GPATCH2: variants seen among roughly 807,000 people sequenced by gnomAD.
GPATCH2 encodes G patch domain-containing protein 2.
GPATCH2 carries 51 observed loss-of-function variants against 58.0 expected under a neutral mutation model. The ratio of observed to expected loss-of-function variants is 0.88; its 90% CI spans 0.70 to 1.11. The LOEUF is 1.11. Ranked by LOEUF, GPATCH2 falls within the 50% of genes most tolerant of loss-of-function variation. The probability of loss-of-function intolerance (pLI) is 0.00; values close to 1 mark genes in which losing one functional copy is unlikely to be tolerated. For missense variants in GPATCH2, 625 were observed against 652.2 expected (o/e 0.96, Z 0.45); for synonymous variants, 222 against 218.5 (o/e 1.02, Z -0.14).
At chr1:217,628,951 T>C (rs1405466030) in intron 1 of GPATCH2, among the ~76,000 whole-genome samples, 4 of 152,098 alleles carry the variant, frequency 2.6e-5, no homozygotes, top group Admixed American at 2.6e-4. Flanking sequence ...ACTGGAATCA[T>C]CCTGCAAATA....
chr1:217,456,105 G>A (rs1211742691), intron 8 of GPATCH2, among the ~76,000 whole-genome samples: 1 of 152,074 alleles, frequency 6.6e-6, no homozygotes, highest in East Asian at 1.9e-4. Context: ...AAGTCCCTGT[G>A]TGACCGAATT....
intron 5 of GPATCH2, chr1:217,608,903 A>G (rs973442562): frequency 4.1e-6 from 4 of 982,160 alleles, no homozygotes; most frequent in East Asian, 1.1e-4. Context: ...TAGACAAGCA[A>G]TCTAAAAGAA....
chr1:217,626,805 G>T (rs1669486977), intron 1 of GPATCH2, among the ~76,000 whole-genome samples: 1 of 152,066 alleles, frequency 6.6e-6, no homozygotes. Context: ...CGACACTTAT[G>T]CTAGTTTAGA....
chr1:217,604,817 G>C (rs912804308), intron 5 of GPATCH2, among the ~76,000 whole-genome samples: 1 of 152,122 alleles, frequency 6.6e-6, no homozygotes, highest in Non-Finnish European at 1.5e-5. Flanking sequence ...CCTGAGGTTA[G>C]GAGTTCGAGA....
intron 5 of GPATCH2, among the ~76,000 whole-genome samples, chr1:217,527,614 A>G (rs1663980570): frequency 6.6e-6 from 1 of 152,132 alleles, no homozygotes; most frequent in Non-Finnish European, 1.5e-5. Context: ...AAAACAAAAC[A>G]AAACAAAACC....
chr1:217,467,205 A>G (rs1191796004), intron 8 of GPATCH2, among the ~76,000 whole-genome samples: 1 of 152,210 alleles, frequency 6.6e-6, no homozygotes, highest in Non-Finnish European at 1.5e-5. Flanking sequence ...ATTTTGGGGA[A>G]GAAACAAATG....
intron 1 of GPATCH2, among the ~76,000 whole-genome samples, chr1:217,625,900 C>T (rs188392893): frequency 6.6e-6 from 1 of 152,276 alleles, no homozygotes; most frequent in Admixed American, 6.5e-5. Context: ...AGGAGAATTG[C>T]TCCAACCCAG....
intron 5 of GPATCH2, among the ~76,000 whole-genome samples, chr1:217,605,695 A>T (rs892101620): frequency 1.3e-4 from 20 of 152,210 alleles, no homozygotes; most frequent in African/African-American, 4.8e-4. Flanking sequence ...ATCAAAAAAG[A>T]ATTTTAAAAA....
intron 8 of GPATCH2, among the ~76,000 whole-genome samples, chr1:217,453,099 A>G (rs1659747080): frequency 1.3e-5 from 2 of 152,226 alleles, no homozygotes; most frequent in South Asian, 4.1e-4. Context: ...AAATCAATGA[A>G]TGTCTCAAAG....
intron 5 of GPATCH2, among the ~76,000 whole-genome samples, chr1:217,530,823 C>A (rs1026829042): frequency 4.6e-5 from 7 of 152,062 alleles, no homozygotes; most frequent in Non-Finnish European, 8.8e-5. Flanking sequence ...GCTGATAATT[C>A]TGATGCTTTT....
intron 8 of GPATCH2, among the ~76,000 whole-genome samples, chr1:217,456,388 C>T (rs1418913939): frequency 6.6e-6 from 1 of 152,142 alleles, no homozygotes; most frequent in Non-Finnish European, 1.5e-5. Flanking sequence ...AAGCCACACC[C>T]CTGTCACACC....
At chr1:217,443,278 C>T (rs1659232934) in intron 9 of GPATCH2, among the ~76,000 whole-genome samples, 1 of 152,080 alleles carries the variant, frequency 6.6e-6, no homozygotes, top group Non-Finnish European at 1.5e-5. Flanking sequence ...TTATTTCATC[C>T]TCACTCTTGG....
intron 1 of GPATCH2, among the ~76,000 whole-genome samples, chr1:217,629,909 G>A (rs1194197754): frequency 6.6e-6 from 1 of 152,134 alleles, no homozygotes; most frequent in African/African-American, 2.4e-5. Context: ...TCAGTGATAG[G>A]TGATGGAAAA....
In GPATCH2 at chr1:217,430,928, T is replaced by C; in HGVS notation, c.*217A>G. On this transcript the variant is annotated 3_prime_UTR_variant, in exon 10 of 10. Transcript: ENST00000366935. ...ATACCTAGAAATAGCTGGAAATTAC[T>C]GAAAAAAATTAAAGTGCAGAGGTTT... The C allele has an allele frequency of 5.3e-6, 3 of 570,172 alleles. No homozygotes were observed. The highest frequency in any genetic ancestry group is 2.2e-5 in the South Asian group (1 of 45,154). The allele number at this position is 570,172 out of a possible 1,614,324, so 35.3% of individuals were successfully genotyped here.
At chr1:217,486,835 C>T (rs1256109785) in intron 8 of GPATCH2, among the ~76,000 whole-genome samples, 1 of 152,164 alleles carries the variant, frequency 6.6e-6, no homozygotes, top group African/African-American at 2.4e-5. Context: ...TCTTCTCACT[C>T]CCAGAGAGGA....
chr1:217,474,250 A>G (rs1043615432), intron 8 of GPATCH2, among the ~76,000 whole-genome samples: 1 of 152,204 alleles, frequency 6.6e-6, no homozygotes, highest in African/African-American at 2.4e-5. Flanking sequence ...TACAGTGTCC[A>G]TTATTGATGA....
chr1:217,436,839 A>AC (rs1480830108), intron 9 of GPATCH2, among the ~76,000 whole-genome samples: 1 of 152,114 alleles, frequency 6.6e-6, no homozygotes, highest in Non-Finnish European at 1.5e-5. Flanking sequence ...TAGAACTTGA[A>AC]CTTAGGACAT....
chr1:217,579,421 A>T (rs928377034), intron 5 of GPATCH2, among the ~76,000 whole-genome samples: 1 of 152,138 alleles, frequency 6.6e-6, no homozygotes, highest in Admixed American at 6.5e-5. Context: ...GCCCTGCCAG[A>T]TCTTTTTAAC....
intron 3 of GPATCH2, among the ~76,000 whole-genome samples, chr1:217,612,668 T>C (rs892250018): frequency 6.6e-6 from 1 of 152,194 alleles, no homozygotes; most frequent in African/African-American, 2.4e-5. Context: ...ACCATATATC[T>C]GAATTCCAAC....
Sources: allele counts gnomAD v4.1 joint callset (sites outside exome capture counted in the v4.1 genomes callset), GRCh38; gene constraint gnomAD v4.1.1; transcripts MANE v1.5; gene names NCBI Gene and HGNC (gene_info 2026-07-23, HGNC 2026-07-21).